CREB5: variants seen among roughly 807,000 people sequenced by gnomAD.
The protein encoded by CREB5 is cAMP responsive element binding protein 5, also known as cyclic AMP-responsive element-binding protein 5.
CREB5 carries 19 observed loss-of-function variants against 57.1 expected under a neutral mutation model. The observed-to-expected ratio is 0.33, with a 90% CI of 0.23 to 0.49. The LOEUF is 0.49. Ranked by LOEUF, CREB5 falls within the 20% of genes least tolerant of loss-of-function variation. The probability of loss-of-function intolerance (pLI) is 0.99; values close to 1 mark genes in which losing one functional copy is unlikely to be tolerated. For missense variants in CREB5, 579 were observed against 671.6 expected (o/e 0.86, Z 1.52); for synonymous variants, 238 against 238.3 (o/e 1.00, Z 0.01).
At chr7:28,716,737 C>T (rs1802709788) in intron 5 of CREB5, among the ~76,000 whole-genome samples, 1 of 152,202 alleles carries the variant, frequency 6.6e-6, no homozygotes, top group Non-Finnish European at 1.5e-5. Context: ...ACATCCTATA[C>T]CTATCTGACT....
intron 5 of CREB5, among the ~76,000 whole-genome samples, chr7:28,694,980 T>C (rs1801467392): frequency 1.3e-5 from 2 of 152,270 alleles, no homozygotes; most frequent in African/African-American, 4.8e-5. Context: ...CAGCATGCAA[T>C]TCGGGAGGCC....
chr7:28,314,039 A>G (rs570127001), intron 1 of CREB5, among the ~76,000 whole-genome samples: 1 of 152,252 alleles, frequency 6.6e-6, no homozygotes, highest in South Asian at 2.1e-4. Context: ...AGAATAAGAG[A>G]ATTATTAAGG....
intron 1 of CREB5, among the ~76,000 whole-genome samples, chr7:28,425,412 A>G (rs901231246): frequency 6.6e-6 from 1 of 151,926 alleles, no homozygotes; most frequent in African/African-American, 2.4e-5. Flanking sequence ...GACAGAAGGT[A>G]GATTCATGAT....
chr7:28,392,182 A>G (rs1787231373), intron 1 of CREB5, among the ~76,000 whole-genome samples: 1 of 152,194 alleles, frequency 6.6e-6, no homozygotes, highest in Non-Finnish European at 1.5e-5. Flanking sequence ...TACTAGGCTT[A>G]GTATTTGGGT....
At chr7:28,671,967 A>G (rs1800058228) in intron 5 of CREB5, among the ~76,000 whole-genome samples, 1 of 152,032 alleles carries the variant, frequency 6.6e-6, no homozygotes, top group Admixed American at 6.5e-5. Context: ...AATCTTTTTT[A>G]CCTTCAAAGT....
At chr7:28,674,069 G>A (rs1203526302) in intron 5 of CREB5, among the ~76,000 whole-genome samples, 2 of 152,124 alleles carry the variant, frequency 1.3e-5, no homozygotes, top group East Asian at 1.9e-4. Context: ...AGGACAGGGT[G>A]CATAGGCAGC....
intron 8 of CREB5, among the ~76,000 whole-genome samples, chr7:28,805,556 C>T (rs1186959838): frequency 6.6e-6 from 1 of 152,174 alleles, no homozygotes; most frequent in Non-Finnish European, 1.5e-5. Flanking sequence ...GCTTTTTGAA[C>T]TCTTGAGCCC....
chr7:28,487,986 C>G (rs1791640932), intron 1 of CREB5, among the ~76,000 whole-genome samples, 189 bp from the exon 2 acceptor site: 1 of 152,156 alleles, frequency 6.6e-6, no homozygotes, highest in Non-Finnish European at 1.5e-5. Flanking sequence ...GGAGCCCAGC[C>G]TAGGTGAGCC....
chr7:28,667,972 C>T (rs1013075424), intron 5 of CREB5, among the ~76,000 whole-genome samples: 7 of 152,182 alleles, frequency 4.6e-5, no homozygotes, highest in South Asian at 2.1e-4. Context: ...AAAAAATGCA[C>T]GTCTGCCTTT....
intron 2 of CREB5, among the ~76,000 whole-genome samples, chr7:28,488,882 C>T (rs1032162038): frequency 2.0e-5 from 3 of 152,180 alleles, no homozygotes; most frequent in Non-Finnish European, 4.4e-5. Flanking sequence ...GCACACAATA[C>T]GAGCTCAATT....
rs565628051 is a variant in CREB5 at position 28,505,403 on chromosome 7, C to T, written c.170-2213C>T. Among the ~76,000 whole-genome samples the T allele has an allele frequency of 1.8e-3, 268 of 152,238 alleles. 1 individual carries two copies. Among genetic ancestry groups the T allele is most frequent in the Non-Finnish European group, 3.0e-3 (204 of 68,000 alleles). On this transcript the variant is annotated intron_variant, in intron 3 of 10. Transcript: ENST00000357727. ...ACTGTCCTTTAGTCACATATTTCTT[C>T]GGGCTATGAACAGTGACTTTTTAAA... is the stretch of plus-strand genomic sequence containing the variant.
intron 5 of CREB5, among the ~76,000 whole-genome samples, chr7:28,582,756 G>A (rs1226147567): frequency 2.0e-5 from 3 of 152,148 alleles, no homozygotes; most frequent in South Asian, 2.1e-4. Flanking sequence ...TTAGAGGAGC[G>A]TCCAAACAGA....
intron 1 of CREB5, among the ~76,000 whole-genome samples, chr7:28,396,509 T>G (rs1787338848): frequency 6.6e-6 from 1 of 152,136 alleles, no homozygotes. Flanking sequence ...ATTAAACATA[T>G]TTTTTCATAA....
chr7:28,514,458 C>G (rs943001469), intron 4 of CREB5, among the ~76,000 whole-genome samples: 12 of 152,084 alleles, frequency 7.9e-5, no homozygotes, highest in African/African-American at 2.4e-4. Context: ...TGCAGTGGCG[C>G]CATCTCGGCT....
intron 9 of CREB5, among the ~76,000 whole-genome samples, chr7:28,812,422 A>G (rs1809172085): frequency 6.6e-6 from 1 of 151,974 alleles, no homozygotes; most frequent in South Asian, 2.1e-4. Context: ...AGGTAAATTT[A>G]CCCTTCGCTA....
At position 28,824,387 on chromosome 7, in the gene CREB5, A is replaced by T. The variant is rs1413998846; in HGVS notation, c.*5108A>T. The T allele has an allele frequency of 6.6e-6, 1 of 152,642 alleles. No homozygotes were observed. Among genetic ancestry groups the T allele is most frequent in the Non-Finnish European group, 1.5e-5 (1 of 68,048 alleles). 9.5% of individuals were successfully genotyped at this position (152,642 alleles called of 1,614,324 possible). A position where few individuals can be genotyped will look rare whatever the true frequency, so the allele number is the denominator to read the frequency against. ...CTTATTCTTTTGTGCACCCTGGTGCACATCTGACTGTTGTCCTAGCCATAG... is the reference window on the plus strand; with the variant it reads ...CTTATTCTTTTGTGCACCCTGGTGCTCATCTGACTGTTGTCCTAGCCATAG... On this transcript the variant is annotated 3_prime_UTR_variant, in exon 11 of 11. Coordinates refer to ENST00000357727, the MANE Select transcript of CREB5 (RefSeq NM_182898.4).
chr7:28,721,607 C>G (rs1252401205), intron 6 of CREB5, among the ~76,000 whole-genome samples: 8 of 152,146 alleles, frequency 5.3e-5, no homozygotes, highest in Admixed American at 6.5e-5. Context: ...TGCTGCTGGA[C>G]CACACATTTT....
intron 5 of CREB5, among the ~76,000 whole-genome samples, chr7:28,654,879 C>A (rs538961099): frequency 6.6e-6 from 1 of 152,074 alleles, no homozygotes; most frequent in Non-Finnish European, 1.5e-5. Flanking sequence ...GAGAAGGGAA[C>A]GACTCAGACC....
chr7:28,572,628 A>G (rs1480109659), intron 5 of CREB5, among the ~76,000 whole-genome samples: 1 of 151,868 alleles, frequency 6.6e-6, no homozygotes, highest in African/African-American at 2.4e-5. Context: ...CCCCCCACCA[A>G]CTACCCTTTT....
Sources: allele counts gnomAD v4.1 joint callset (sites outside exome capture counted in the v4.1 genomes callset), GRCh38; gene constraint gnomAD v4.1.1; transcripts MANE v1.5; gene names NCBI Gene and HGNC (gene_info 2026-07-23, HGNC 2026-07-21).